The following LPP variants were observed in gnomAD, a reference collection of about 807,000 sequenced individuals.
LPP encodes the protein lipoma-preferred partner.
LPP carries 38 observed loss-of-function variants against 60.4 expected under a neutral mutation model. That is an observed-to-expected ratio of 0.63 (90% CI 0.49 to 0.83). The LOEUF (loss-of-function observed/expected upper bound fraction) is 0.83, where lower values mean the gene tolerates loss of function less well. Among genes scored for constraint, LPP ranks in the 40% least tolerant of loss-of-function variants. The probability of loss-of-function intolerance (pLI) is 0.00; values close to 1 mark genes in which losing one functional copy is unlikely to be tolerated. For synonymous variants in LPP, 328 were observed against 290.8 expected (o/e 1.13, Z -1.30); for missense variants, 902 against 783.6 (o/e 1.15, Z -1.80).
In LPP at chr3:188,884,742, C is replaced by A. The variant is rs1770465219; in HGVS notation, c.*10263C>A. The A allele has an allele frequency of 4.4e-6, 1 of 226,440 alleles. No individual in the cohort carries two copies. 14.0% of individuals were successfully genotyped at this position (226,440 alleles called of 1,614,324 possible). A position where few individuals can be genotyped will look rare whatever the true frequency, so the allele number is the denominator to read the frequency against. ...CCCATGAACCACGATGTACGTTCCA[C>A]AGAGGCAGAAACCGCCGTAGGTTAG... On this transcript the variant is annotated 3_prime_UTR_variant, in exon 12 of 12. Transcript: ENST00000617246.
At chr3:188,345,385 A>T (rs1764061083) in intron 3 of LPP, among the ~76,000 whole-genome samples, 1 of 152,032 alleles carries the variant, frequency 6.6e-6, no homozygotes, top group African/African-American at 2.4e-5. Flanking sequence ...TTCCTGTAAG[A>T]GGTTGTTTGA....
intron 6 of LPP, among the ~76,000 whole-genome samples, chr3:188,537,473 A>G (rs1823943815): frequency 6.6e-6 from 1 of 152,190 alleles, no homozygotes; most frequent in South Asian, 2.1e-4. Flanking sequence ...GCCATTGTGT[A>G]TGTATTTCTA....
intron 6 of LPP, among the ~76,000 whole-genome samples, chr3:188,546,990 A>G (rs1193941930): frequency 6.6e-6 from 1 of 152,228 alleles, no homozygotes; most frequent in East Asian, 1.9e-4. Context: ...AAGATGTGTA[A>G]AGCCATAACG....
chr3:188,489,386 A>C (rs1439691187), intron 5 of LPP, among the ~76,000 whole-genome samples: 1 of 152,212 alleles, frequency 6.6e-6, no homozygotes, highest in African/African-American at 2.4e-5. Context: ...GGATTCATAG[A>C]AACAATTTAA....
chr3:188,206,724 T>G (rs541417352), intron 1 of LPP, among the ~76,000 whole-genome samples: 1 of 152,322 alleles, frequency 6.6e-6, no homozygotes, highest in South Asian at 2.1e-4. Flanking sequence ...CAGTCTAGAA[T>G]TGCAAGGGGT....
intron 2 of LPP, among the ~76,000 whole-genome samples, chr3:188,321,401 A>T (rs142086799): frequency 1.3e-5 from 2 of 152,318 alleles, no homozygotes; most frequent in African/African-American, 4.8e-5. Flanking sequence ...TAAATGGTGT[A>T]TGTGGCTCCT....
chr3:188,360,748 A>C (rs1449873763), intron 3 of LPP, among the ~76,000 whole-genome samples: 1 of 152,232 alleles, frequency 6.6e-6, no homozygotes, highest in Non-Finnish European at 1.5e-5. Context: ...TAAGAGAGAC[A>C]GTTTTGCATA....
chr3:188,260,797 C>G (rs1476322711), intron 2 of LPP, among the ~76,000 whole-genome samples: 2 of 152,130 alleles, frequency 1.3e-5, no homozygotes, highest in Admixed American at 1.3e-4. Context: ...CTTTGGGAGG[C>G]TGAGGCGGGC....
At chr3:188,478,816 C>T (rs1432483805) in intron 4 of LPP, among the ~76,000 whole-genome samples, 1 of 152,100 alleles carries the variant, frequency 6.6e-6, no homozygotes, top group Admixed American at 6.6e-5. Flanking sequence ...AGTACAGTGG[C>T]TCCATCTCGG....
At chr3:188,245,761 T>C (rs1726719330) in intron 2 of LPP, among the ~76,000 whole-genome samples, 1 of 151,972 alleles carries the variant, frequency 6.6e-6, no homozygotes, top group Non-Finnish European at 1.5e-5. Flanking sequence ...CCAGGCTCTC[T>C]CCAACTACTG....
intron 5 of LPP, among the ~76,000 whole-genome samples, chr3:188,501,226 C>T (rs979046880): frequency 6.6e-6 from 1 of 152,048 alleles, no homozygotes; most frequent in Admixed American, 6.5e-5. Context: ...TTCACTGTTT[C>T]CCATACGTTT....
chr3:188,860,340 C>T (rs940844605), intron 9 of LPP, among the ~76,000 whole-genome samples: 3 of 152,120 alleles, frequency 2.0e-5, no homozygotes, highest in Non-Finnish European at 4.4e-5. Context: ...AGTCATAGCC[C>T]TGCTCCTTTA....
chr3:188,826,041 G>A (rs192776539), intron 9 of LPP, among the ~76,000 whole-genome samples: 1 of 152,166 alleles, frequency 6.6e-6, no homozygotes, highest in African/African-American at 2.4e-5. Context: ...GCCCTCCCAT[G>A]GGTCTTTATG....
chr3:188,763,359 T>C (rs544886694), intron 9 of LPP, among the ~76,000 whole-genome samples: 1 of 152,172 alleles, frequency 6.6e-6, no homozygotes, highest in Admixed American at 6.5e-5. Context: ...ATGAGACCAG[T>C]CTAATGTAAA....
chr3:188,485,670 G>A (rs1396225256), intron 5 of LPP, among the ~76,000 whole-genome samples: 7 of 150,388 alleles, frequency 4.7e-5, no homozygotes, highest in Admixed American at 6.6e-5. Flanking sequence ...AGTGGCGGGC[G>A]CCTGTAGTCC....
At chr3:188,633,399 C>A (rs909416892) in intron 7 of LPP, among the ~76,000 whole-genome samples, 5 of 152,192 alleles carry the variant, frequency 3.3e-5, no homozygotes, top group East Asian at 1.9e-4. Context: ...CAGTTACTTA[C>A]ATAACTGGTA....
At chr3:188,845,984 T>G (rs11715620) in intron 9 of LPP, among the ~76,000 whole-genome samples, 15,179 of 152,310 alleles carry the variant, frequency 0.1, 1,012 homozygotes, top group Middle Eastern at 0.16. Context: ...CAGATAAGGA[T>G]TCACACTATT....
chr3:188,542,849 C>T (rs181297094), intron 6 of LPP, among the ~76,000 whole-genome samples: 5 of 152,236 alleles, frequency 3.3e-5, no homozygotes, highest in Non-Finnish European at 5.9e-5. Context: ...GCCTCAGGTA[C>T]ATTTGTACAT....
chr3:188,170,885 C>G (rs1321177422), intron 1 of LPP, among the ~76,000 whole-genome samples: 2 of 152,164 alleles, frequency 1.3e-5, no homozygotes, highest in African/African-American at 4.8e-5. Flanking sequence ...CCTCTGGTAG[C>G]AACCAGCAGA....
Sources: allele counts gnomAD v4.1 joint callset (sites outside exome capture counted in the v4.1 genomes callset), GRCh38; gene constraint gnomAD v4.1.1; transcripts MANE v1.5; gene names NCBI Gene and HGNC (gene_info 2026-07-23, HGNC 2026-07-21).